CNTNAP5: variants seen among roughly 807,000 people sequenced by gnomAD.
The protein encoded by CNTNAP5 is contactin associated protein family member 5.
Under a neutral mutation model 150.2 loss-of-function variants are expected in CNTNAP5, and 72 were observed. That is an observed-to-expected ratio of 0.48 (90% CI 0.40 to 0.58). The LOEUF (loss-of-function observed/expected upper bound fraction) is 0.58, where lower values mean the gene tolerates loss of function less well. CNTNAP5 is among the 20% of genes least tolerant of loss of function. CNTNAP5 has a pLI of 0.00. For synonymous variants in CNTNAP5, 672 were observed against 619.8 expected, an observed-to-expected ratio of 1.08 and a Z score of -1.25; for missense variants, 1,636 against 1,626.2, an observed-to-expected ratio of 1.01 and a Z score of -0.10.
chr2:124,246,263 T>C (rs1302152013), intron 3 of CNTNAP5, among the ~76,000 whole-genome samples: 2 of 152,114 alleles, frequency 1.3e-5, no homozygotes, highest in African/African-American at 4.8e-5. Flanking sequence ...CAATGTACGG[T>C]AGCAATTTTT....
chr2:124,643,970 G>A (rs1051616900), intron 12 of CNTNAP5, among the ~76,000 whole-genome samples: 6 of 152,214 alleles, frequency 3.9e-5, no homozygotes, highest in Non-Finnish European at 8.8e-5. Flanking sequence ...TGCTCCCACA[G>A]TTAGTGTTGT....
At chr2:124,584,042 C>G (rs1558964262) in intron 11 of CNTNAP5, among the ~76,000 whole-genome samples, 1 of 152,178 alleles carries the variant, frequency 6.6e-6, no homozygotes. Context: ...GATGAGAAGA[C>G]AACAGCTTTC....
intron 6 of CNTNAP5, among the ~76,000 whole-genome samples, chr2:124,469,724 C>T (rs192311624): frequency 1.4e-3 from 218 of 152,200 alleles, no homozygotes; most frequent in African/African-American, 5.1e-3. Context: ...TGATGCTCTC[C>T]CTCCTCCCAA....
chr2:124,213,443 A>G (rs1331806078), intron 1 of CNTNAP5, among the ~76,000 whole-genome samples: 1 of 152,220 alleles, frequency 6.6e-6, no homozygotes, highest in Non-Finnish European at 1.5e-5. Context: ...ACAATTCAAC[A>G]GGATAGAACT....
chr2:124,865,331 A>C lies in CNTNAP5; in HGVS notation c.3243A>C (p.Leu1081=). ...KNGSLQVRYH[L]NKEETHVFTI... ...GAAGCTTACAGGTTCGCTATCACCT[A>C]AACAAGGAAGAAACCCATGTATTCA... The change falls in exon 20 of 24, where the codon CTA becomes CTC. Residue 1081 remains leucine (L), a synonymous_variant. Coordinates refer to ENST00000682447, the MANE Select transcript of CNTNAP5 (RefSeq NM_001367498.1). 1.9e-6 allele frequency: 3 copies of C among 1,564,744 alleles called. No individual in the cohort carries two copies. Among genetic ancestry groups the C allele is most frequent in the Non-Finnish European group, 2.6e-6 (3 of 1,153,096 alleles).
At position 124,474,803 on chromosome 2, in the gene CNTNAP5, G is replaced by T; in HGVS notation, c.983G>T (p.Gly328Val). Residue 328 changes from glycine to valine, a missense_variant, in exon 7 of 24, where the codon GGA (glycine) becomes GTA (valine). Physicochemically the swap from Gly to Val is moderately radical, Grantham distance 109. Transcript: ENST00000682447. ...ACCTTTTTAAAGAAAAACTTCCATG[G>T]ATGCATCGAAAACCTTTACTACAAT... is the stretch of plus-strand genomic sequence containing the variant. ...PGTFLKKNFH[G>V]CIENLYYNGV... The T allele has an allele frequency of 6.2e-7, 1 of 1,605,656 alleles. No individual in the cohort carries two copies. Among genetic ancestry groups the T allele is most frequent in the Non-Finnish European group, 8.5e-7 (1 of 1,176,848 alleles).
At chr2:124,838,840 T>G (rs1271989913) in intron 19 of CNTNAP5, among the ~76,000 whole-genome samples, 2 of 152,154 alleles carry the variant, frequency 1.3e-5, no homozygotes, top group East Asian at 1.9e-4. Context: ...CTTAGTAAAT[T>G]CCTTATTTCC....
In CNTNAP5 at chr2:124,534,358, C is replaced by A. The variant is rs138772312; in HGVS notation, c.1649+6902C>A. On this transcript the variant is annotated intron_variant, in intron 10 of 23. Transcript: ENST00000682447. ...AAAAATGGCTACTCCACAGGCAGAG[C>A]AGTGACATGGGCTGCTTTACTGAGT... Among the ~76,000 whole-genome samples the A allele has an allele frequency of 2.6e-4, 39 of 152,274 alleles. 1 individual carries two copies. The highest frequency in any genetic ancestry group is 1.9e-3 in the East Asian group (10 of 5,168).
intron 1 of CNTNAP5, among the ~76,000 whole-genome samples, chr2:124,127,562 T>C (rs1055714689): frequency 2.0e-5 from 3 of 152,132 alleles, no homozygotes; most frequent in Non-Finnish European, 2.9e-5. Context: ...AAAACTACTT[T>C]AAAGTTCATA....
intron 3 of CNTNAP5, among the ~76,000 whole-genome samples, chr2:124,357,809 T>G (rs1690060409): frequency 1.4e-5 from 2 of 147,436 alleles, no homozygotes. Flanking sequence ...TGGTTCCATA[T>G]GAACTTTAAA....
chr2:124,819,890 T>C (rs1392886920), intron 19 of CNTNAP5, among the ~76,000 whole-genome samples: 1 of 152,222 alleles, frequency 6.6e-6, no homozygotes, highest in African/African-American at 2.4e-5. Flanking sequence ...TAAAGTTTCT[T>C]CCCTTGGACC....
At chr2:124,194,848 T>A (rs1240733119) in intron 1 of CNTNAP5, among the ~76,000 whole-genome samples, 1 of 151,898 alleles carries the variant, frequency 6.6e-6, no homozygotes, top group African/African-American at 2.4e-5. Flanking sequence ...AAAAAACGTT[T>A]CTTTTGAATA....
chr2:124,713,314 CTTTCCTTTCTT>C lies in CNTNAP5; in HGVS notation c.2078-33913_2078-33903del, dbSNP rs1558746914. Among the ~76,000 whole-genome samples, 267 of 79,944 alleles carry C rather than the reference CTTTCCTTTCTT, an allele frequency of 3.3e-3. 8 individuals carry two copies. Among genetic ancestry groups the C allele is most frequent in the Middle Eastern group, 6.4e-3 (1 of 156 alleles). 52.4% of individuals were successfully genotyped at this position (79,944 alleles called of 152,430 possible). ...CTTTCTTTCTTTCTTCTTTCTCTTT[CTTTCCTTTCTT>C]TCTTTCTTTCTTTCTTTCTTTCTTT... On this transcript the variant is annotated intron_variant, in intron 13 of 23. Coordinates refer to ENST00000682447, the MANE Select transcript of CNTNAP5 (RefSeq NM_001367498.1).
intron 3 of CNTNAP5, among the ~76,000 whole-genome samples, chr2:124,346,259 T>C (rs185968219): frequency 6.6e-6 from 1 of 152,294 alleles, no homozygotes; most frequent in East Asian, 1.9e-4. Context: ...GAGGTAACTG[T>C]CAGTGATGAA....
At chr2:124,788,696 G>C (rs1681653031) in intron 17 of CNTNAP5, among the ~76,000 whole-genome samples, 3 of 151,150 alleles carry the variant, frequency 2.0e-5, no homozygotes, top group Non-Finnish European at 4.4e-5. Context: ...CGCCTCCCCG[G>C]TTCAAGCTAT....
chr2:124,036,663 G>A (rs2104626961), intron 1 of CNTNAP5, among the ~76,000 whole-genome samples: 1 of 152,270 alleles, frequency 6.6e-6, no homozygotes, highest in Non-Finnish European at 1.5e-5. Flanking sequence ...TAGAGATAAA[G>A]TTAAGTAATG....
intron 21 of CNTNAP5, among the ~76,000 whole-genome samples, chr2:124,876,610 T>C (rs1388263194): frequency 6.6e-6 from 1 of 152,018 alleles, no homozygotes; most frequent in Non-Finnish European, 1.5e-5. Flanking sequence ...AATAAATGCA[T>C]GTAATCTTCT....
intron 1 of CNTNAP5, among the ~76,000 whole-genome samples, chr2:124,075,736 A>G (rs1682421681): frequency 6.6e-6 from 1 of 152,172 alleles, no homozygotes; most frequent in African/African-American, 2.4e-5. Flanking sequence ...TGATTAGCAG[A>G]TACCCAGTCA....
rs1047307886 is a variant in CNTNAP5 at position 124,504,513 on chromosome 2, C to T, written c.1284C>T (p.Leu428=). ...LLSLEGGILR[L]VIQKMTERVA... ...GCCTGGAGGGTGGAATCCTGAGACT[C>T]GTGATTCAGAAAATGACAGAACGCG... is the stretch of plus-strand genomic sequence containing the variant. The change falls in exon 8 of 24, where the codon CTC becomes CTT. Residue 428 remains leucine, a synonymous_variant. Coordinates refer to ENST00000682447, the MANE Select transcript of CNTNAP5 (RefSeq NM_001367498.1). 31 of 1,613,640 alleles carry T rather than the reference C, an allele frequency of 1.9e-5. No individual in the cohort carries two copies. In the Admixed American group the frequency reaches 3.0e-4, roughly 16 times the overall value.
Sources: allele counts gnomAD v4.1 joint callset (sites outside exome capture counted in the v4.1 genomes callset), GRCh38; gene constraint gnomAD v4.1.1; transcripts MANE v1.5; gene names NCBI Gene and HGNC (gene_info 2026-07-23, HGNC 2026-07-21).